Variants in ATAD2B observed in about 807,000 individuals in gnomAD.
ATAD2B encodes ATPase family AAA domain containing 2B.
A neutral mutation model predicts 167.6 loss-of-function variants in ATAD2B; 40 were observed. The ratio of observed to expected loss-of-function variants is 0.24; its 90% CI spans 0.19 to 0.31. The LOEUF (loss-of-function observed/expected upper bound fraction) is 0.31, where lower values mean the gene tolerates loss of function less well. ATAD2B is among the 10% of genes least tolerant of loss of function. ATAD2B has a pLI of 1.00. For missense variants in ATAD2B, 1,242 were observed against 1,757.2 expected (o/e 0.71, Z 5.24); for synonymous variants, 579 against 596.5 (o/e 0.97, Z 0.43).
chr2:23,894,034 T>C (rs553898603), intron 2 of ATAD2B, among the ~76,000 whole-genome samples: 22 of 152,302 alleles, frequency 1.4e-4, no homozygotes, highest in African/African-American at 5.3e-4. Context: ...GTAAATGTAT[T>C]AGTATTCATT....
At chr2:23,737,374 G>A in the ATAD2B span, among the ~76,000 whole-genome samples, 3 of 152,298 alleles carry the variant, frequency 2.0e-5, no homozygotes, top group East Asian at 1.9e-4. Context: ...TCAGGCAGCA[G>A]CATTTGCGGT....
At chr2:23,760,545 C>T (rs1489699283) in intron 24 of ATAD2B, among the ~76,000 whole-genome samples, 2 of 151,862 alleles carry the variant, frequency 1.3e-5, no homozygotes, top group Admixed American at 6.6e-5. Context: ...CGCCTGTCGT[C>T]CCAGTAGCTT....
the ATAD2B span, among the ~76,000 whole-genome samples, chr2:23,737,056 G>T: frequency 6.6e-6 from 1 of 152,210 alleles, no homozygotes. Flanking sequence ...CTGGAAGCTC[G>T]AACTGGATGG....
At chr2:23,777,747 T>C (rs145874612) in intron 22 of ATAD2B, among the ~76,000 whole-genome samples, 1 of 152,146 alleles carries the variant, frequency 6.6e-6, no homozygotes, top group East Asian at 1.9e-4. Context: ...AGACCGAGAA[T>C]GGGGATGAGC....
chr2:23,744,775 C>T (rs866503752), downstream of ATAD2B, among the ~76,000 whole-genome samples: 31 of 152,204 alleles, frequency 2.0e-4, 1 homozygote, highest in Middle Eastern at 3.4e-3. Context: ...ACAGGATATT[C>T]GTCAAAATCA....
At chr2:23,839,684 C>T (rs72786275) in intron 13 of ATAD2B, among the ~76,000 whole-genome samples, 2,769 of 152,138 alleles carry the variant, frequency 0.018, 34 homozygotes, top group Non-Finnish European at 0.026. Flanking sequence ...ACAAGTGAGA[C>T]TAGTTTCCAA....
intron 12 of ATAD2B, among the ~76,000 whole-genome samples, 189 bp from the exon 13 acceptor site, chr2:23,857,692 TCA>T (rs1411666990): frequency 6.6e-6 from 1 of 152,034 alleles, no homozygotes; most frequent in African/African-American, 2.4e-5. Flanking sequence ...ACTACTGTTT[TCA>T]GTTTGTTTAT....
At chr2:23,753,872 G>A (rs1225947784) in intron 27 of ATAD2B, among the ~76,000 whole-genome samples, 1 of 152,096 alleles carries the variant, frequency 6.6e-6, no homozygotes, top group Non-Finnish European at 1.5e-5. Context: ...TGGCACGTCA[G>A]TTATAAGCAA....
At chr2:23,917,914 C>T (rs372716720) in intron 1 of ATAD2B, among the ~76,000 whole-genome samples, 1 of 151,930 alleles carries the variant, frequency 6.6e-6, no homozygotes, top group African/African-American at 2.4e-5. Context: ...CAAAATTAGC[C>T]AGGCATGGTG....
At chr2:23,873,392 T>G (rs972808787) in intron 8 of ATAD2B, among the ~76,000 whole-genome samples, 12 of 152,228 alleles carry the variant, frequency 7.9e-5, no homozygotes, top group South Asian at 2.1e-4. Context: ...AGGGGAATGA[T>G]TCCAGGACCC....
intron 13 of ATAD2B, among the ~76,000 whole-genome samples, chr2:23,857,191 T>C (rs1450059481): frequency 1.3e-5 from 2 of 152,230 alleles, no homozygotes; most frequent in South Asian, 2.1e-4. Flanking sequence ...ATGAACATGG[T>C]TGTATTCCAA....
chr2:23,851,548 T>C (rs958048298), intron 13 of ATAD2B, among the ~76,000 whole-genome samples: 1 of 152,214 alleles, frequency 6.6e-6, no homozygotes, highest in Non-Finnish European at 1.5e-5. Context: ...CCCCTTCATA[T>C]GTATACCCAT....
rs1421946073 is a variant in ATAD2B at position 23,926,785 on chromosome 2, G to T, written c.-15C>A. On this transcript the variant is annotated 5_prime_UTR_variant, in exon 1 of 28. Transcript: ENST00000238789. Reference sequence around the variant, plus strand: ...GTGTTCACCATGGTCCAGCCAGGGGGACGGAGTCCACGCCGCGCCCGGGAG... The same window carrying T: ...GTGTTCACCATGGTCCAGCCAGGGGTACGGAGTCCACGCCGCGCCCGGGAG... 2 of 1,511,052 alleles carry T rather than the reference G, an allele frequency of 1.3e-6. No homozygotes were observed. The highest frequency in any genetic ancestry group is 1.2e-5 in the South Asian group (1 of 80,082). The allele number at this position is 1,511,052 out of a possible 1,614,324, so 93.6% of individuals were successfully genotyped here. A position where few individuals can be genotyped will look rare whatever the true frequency, so the allele number is the denominator to read the frequency against.
intron 2 of ATAD2B, among the ~76,000 whole-genome samples, chr2:23,893,345 T>C (rs1159587466): frequency 1.3e-5 from 2 of 152,290 alleles, no homozygotes; most frequent in East Asian, 1.9e-4. Context: ...TCTAACAAAT[T>C]ATTTTTTGTG....
At chr2:23,780,702 C>T (rs142574495) in intron 22 of ATAD2B, among the ~76,000 whole-genome samples, 1 of 152,238 alleles carries the variant, frequency 6.6e-6, no homozygotes, top group East Asian at 1.9e-4. Context: ...GACTTTAAGA[C>T]CAGCCTGGCC....
chr2:23,703,685 C>G, the ATAD2B span: 11 of 1,507,194 alleles, frequency 7.3e-6, no homozygotes, highest in African/African-American at 1.3e-4. Flanking sequence ...CCAAGACAAG[C>G]TGCCGTGACC....
chr2:23,717,116 A>G, the ATAD2B span, among the ~76,000 whole-genome samples: 1 of 152,208 alleles, frequency 6.6e-6, no homozygotes, highest in Non-Finnish European at 1.5e-5. Flanking sequence ...AAATAAAATT[A>G]AATAGTAAAG....
the ATAD2B span, among the ~76,000 whole-genome samples, chr2:23,721,210 C>A: frequency 6.6e-6 from 1 of 152,150 alleles, no homozygotes; most frequent in South Asian, 2.1e-4. Context: ...AACGCCTGCA[C>A]CCAGGGCCAA....
chr2:23,844,868 C>T (rs1174168935), intron 13 of ATAD2B, among the ~76,000 whole-genome samples: 1 of 151,472 alleles, frequency 6.6e-6, no homozygotes, highest in African/African-American at 2.4e-5. Context: ...ATGAAAAACA[C>T]ACCCAAGAAG....
Sources: gnomAD v4.1 joint callset for allele counts (sites outside exome capture counted in the v4.1 genomes callset) on GRCh38, gnomAD v4.1.1 for gene constraint, MANE v1.5 for transcripts, NCBI Gene and HGNC (gene_info 2026-07-23, HGNC 2026-07-21) for gene names.